Variants in DAB2IP observed in about 807,000 individuals in gnomAD.
The protein encoded by DAB2IP is DAB2 interacting protein.
In DAB2IP, 28 loss-of-function variants were observed where a neutral mutation model predicts 107.2. The observed-to-expected ratio is 0.26, with a 90% CI of 0.19 to 0.36. The LOEUF (loss-of-function observed/expected upper bound fraction) is 0.36, where lower values mean the gene tolerates loss of function less well. Ranked by LOEUF, DAB2IP falls within the 10% of genes least tolerant of loss-of-function variation. The pLI is 1.00. For missense variants in DAB2IP, 1,400 were observed against 1,644.7 expected (o/e 0.85, Z 2.57); for synonymous variants, 755 against 706.4 (o/e 1.07, Z -1.09).
chr9:121,646,250 G>T (rs971655593), intron 1 of DAB2IP, among the ~76,000 whole-genome samples: 2 of 152,146 alleles, frequency 1.3e-5, no homozygotes, highest in African/African-American at 4.8e-5. Context: ...CTGGGGGGCG[G>T]TGGCAGTGGT....
chr9:121,768,295 A>G, intron 9 of DAB2IP, 137 bp from the exon 10 acceptor site: 1 of 900,830 alleles, frequency 1.1e-6, no homozygotes, highest in East Asian at 2.5e-5. Flanking sequence ...GTCAGAGCAT[A>G]TTCAGCTGAC....
intron 1 of DAB2IP, among the ~76,000 whole-genome samples, chr9:121,645,386 G>A (rs1171154111): frequency 6.6e-6 from 1 of 152,230 alleles, no homozygotes; most frequent in Non-Finnish European, 1.5e-5. Context: ...CAGCCAGTAT[G>A]GAGGGGAAGC....
At chr9:121,687,694 C>T (rs535029502) in intron 2 of DAB2IP, among the ~76,000 whole-genome samples, 4 of 152,298 alleles carry the variant, frequency 2.6e-5, no homozygotes, top group Admixed American at 2.6e-4. Context: ...TAAGTATTGT[C>T]TCATTTAATC....
At chr9:121,670,811 G>A (rs1189619351) in intron 1 of DAB2IP, among the ~76,000 whole-genome samples, 2 of 151,908 alleles carry the variant, frequency 1.3e-5, no homozygotes, top group Admixed American at 6.6e-5. Context: ...GAAGTCAGGA[G>A]TTCAGGACCA....
chr9:121,580,019 C>T (rs1462017125), intron 1 of DAB2IP, among the ~76,000 whole-genome samples: 2 of 152,118 alleles, frequency 1.3e-5, no homozygotes, highest in African/African-American at 2.4e-5. Flanking sequence ...CAGCCTCGCC[C>T]TAGAGATTTG....
intron 1 of DAB2IP, among the ~76,000 whole-genome samples, chr9:121,607,472 T>G (rs566595313): frequency 2.0e-5 from 3 of 152,036 alleles, no homozygotes; most frequent in Non-Finnish European, 4.4e-5. Flanking sequence ...CCAGCTAATT[T>G]TTTTATTTTT....
chr9:121,690,879 C>T (rs776510366), intron 2 of DAB2IP, among the ~76,000 whole-genome samples: 1 of 152,118 alleles, frequency 6.6e-6, no homozygotes, highest in South Asian at 2.1e-4. Context: ...ACTCCAGGGG[C>T]CTCCCAGGGC....
At chr9:121,759,557 G>A (rs2118967009) in intron 5 of DAB2IP, among the ~76,000 whole-genome samples, 1 of 152,348 alleles carries the variant, frequency 6.6e-6, no homozygotes, top group Middle Eastern at 3.4e-3. Flanking sequence ...TAATGGCATA[G>A]CCTGTGACGT....
Position 121,757,004 on chromosome 9 carries a change from C to T in DAB2IP, c.363-9C>T, listed in dbSNP as rs759538912. 7 of 1,613,848 alleles carry T rather than the reference C, an allele frequency of 4.3e-6. No individual in the cohort carries two copies. In the South Asian group the frequency reaches 7.7e-5, roughly 18 times the overall value. On this transcript the variant is annotated splice_polypyrimidine_tract_variant and intron_variant, in intron 3 of 15. Transcript: ENST00000408936. ...GGGGGCCCACCTGACACACCTACTG[C>T]CACCCCAGGTCCCATCTGATGCCGA...
intron 3 of DAB2IP, among the ~76,000 whole-genome samples, chr9:121,747,639 G>A (rs956677311): frequency 6.6e-6 from 1 of 152,088 alleles, no homozygotes; most frequent in Non-Finnish European, 1.5e-5. Context: ...GAGCCACCGC[G>A]CCCGGCCTAG....
chr9:121,683,879 G>A (rs962094452), intron 2 of DAB2IP, among the ~76,000 whole-genome samples: 2 of 152,174 alleles, frequency 1.3e-5, no homozygotes, highest in Non-Finnish European at 2.9e-5. Context: ...TGAATAGAAG[G>A]AAACAAGCTA....
chr9:121,776,149 GCT>G lies in DAB2IP; in HGVS notation c.3121-44_3121-43del. ...CTCCCACTCGGGCTGACGAAGCTGT[GCT>G]CTCTGTGTCCTGGGTGCTGTGCCCG... is the stretch of plus-strand genomic sequence containing the variant. On this transcript the variant is annotated intron_variant, in intron 13 of 15. Transcript: ENST00000408936. The surrounding 1 kb of genome is among the most constrained non-coding windows in gnomAD (Gnocchi z 5.4). The G allele has an allele frequency of 6.5e-7, 1 of 1,548,678 alleles. No individual in the cohort carries two copies. Among genetic ancestry groups the G allele is most frequent in the Non-Finnish European group, 8.7e-7 (1 of 1,145,858 alleles).
intron 3 of DAB2IP, among the ~76,000 whole-genome samples, chr9:121,732,651 C>T (rs1246899123): frequency 2.6e-5 from 4 of 152,104 alleles, no homozygotes; most frequent in Admixed American, 1.3e-4. Flanking sequence ...GCAGGAACAG[C>T]GAGCAGAGGC....
chr9:121,689,289 A>G (rs1162199358), intron 2 of DAB2IP, among the ~76,000 whole-genome samples: 1 of 145,246 alleles, frequency 6.9e-6, no homozygotes, highest in Non-Finnish European at 1.5e-5. Context: ...GTGAAATTCC[A>G]TCTAAAAAAA....
At chr9:121,626,082 T>G (rs916908591) in intron 1 of DAB2IP, among the ~76,000 whole-genome samples, 10 of 152,154 alleles carry the variant, frequency 6.6e-5, no homozygotes, top group South Asian at 6.2e-4. Flanking sequence ...AGCTCCCTAC[T>G]AAGAAGGGCA....
intron 1 of DAB2IP, among the ~76,000 whole-genome samples, chr9:121,613,872 A>T (rs533087936): frequency 3.9e-5 from 6 of 152,366 alleles, no homozygotes; most frequent in African/African-American, 1.2e-4. Flanking sequence ...ATCAAGGCAC[A>T]GGGAGAAGTC....
intron 1 of DAB2IP, among the ~76,000 whole-genome samples, chr9:121,601,376 G>A (rs1165664778): frequency 2.0e-5 from 3 of 152,164 alleles, no homozygotes; most frequent in Non-Finnish European, 2.9e-5. Flanking sequence ...ATCCTCTAGT[G>A]ACGGTGAGTT....
Position 121,675,390 on chromosome 9 carries a change from C to T in DAB2IP, c.125-3288C>T, listed in dbSNP as rs144410323. On this transcript the variant is annotated intron_variant, in intron 1 of 15. Transcript: ENST00000408936. ...AGAGTGTGTGAGGTAGAATGGCTTT[C>T]GGTGCCAAGGTGAGGAGTCCCTTCT... Among the ~76,000 whole-genome samples the T allele has an allele frequency of 2.0e-3, 297 of 152,242 alleles. 1 individual carries two copies. The highest frequency in any genetic ancestry group is 6.7e-3 in the African/African-American group (279 of 41,550).
At chr9:121,654,747 G>T (rs897440990) in intron 1 of DAB2IP, among the ~76,000 whole-genome samples, 10 of 152,212 alleles carry the variant, frequency 6.6e-5, no homozygotes, top group Non-Finnish European at 7.3e-5. Flanking sequence ...CCACATGGGG[G>T]CTTGGTCCCA....
Sources: allele counts gnomAD v4.1 joint callset (sites outside exome capture counted in the v4.1 genomes callset), GRCh38; gene constraint gnomAD v4.1.1; non-coding constraint Gnocchi (gnomAD v3.1); transcripts MANE v1.5; gene names NCBI Gene and HGNC (gene_info 2026-07-23, HGNC 2026-07-21).